The following ERC1 variants were observed in gnomAD, a reference collection of about 807,000 sequenced individuals.
ERC1 encodes the protein ELKS/RAB6-interacting/CAST family member 1.
Under a neutral mutation model 132.0 loss-of-function variants are expected in ERC1, and 56 were observed. The ratio of observed to expected loss-of-function variants is 0.42; its 90% CI spans 0.34 to 0.53. The LOEUF is 0.53. Among genes scored for constraint, ERC1 ranks in the 20% least tolerant of loss-of-function variants. The pLI, the probability that ERC1 is intolerant of heterozygous loss-of-function variation, is 0.03. For missense variants in ERC1, 1,202 were observed against 1,349.9 expected (o/e 0.89, Z 1.72); for synonymous variants, 478 against 476.1 (o/e 1.00, Z -0.05).
chr12:1,062,230 G>A (rs190978696), intron 2 of ERC1, among the ~76,000 whole-genome samples: 218 of 152,094 alleles, frequency 1.4e-3, no homozygotes, highest in African/African-American at 4.6e-3. Context: ...TGATCTGCCC[G>A]CCTCGGCCCC....
intron 12 of ERC1, among the ~76,000 whole-genome samples, chr12:1,191,787 C>A (rs1303082765): frequency 6.6e-6 from 1 of 151,650 alleles, no homozygotes; most frequent in Non-Finnish European, 1.5e-5. Flanking sequence ...CTGTAGAGTT[C>A]TGTCCTCTGG....
intron 8 of ERC1, among the ~76,000 whole-genome samples, chr12:1,147,950 A>G (rs12317067): frequency 0.24 from 35,946 of 152,000 alleles, 4,514 homozygotes; most frequent in Non-Finnish European, 0.28. Flanking sequence ...TTCAGCTCCT[A>G]TTTTCTTTGC....
At chr12:1,176,963 A>G (rs2154268597) in intron 8 of ERC1, among the ~76,000 whole-genome samples, 1 of 152,372 alleles carries the variant, frequency 6.6e-6, no homozygotes, top group African/African-American at 2.4e-5. Flanking sequence ...AGACCTGGAT[A>G]ACATGCTGCA....
At chr12:1,175,556 G>A (rs1269182200) in intron 8 of ERC1, among the ~76,000 whole-genome samples, 2 of 146,398 alleles carry the variant, frequency 1.4e-5, no homozygotes, top group Non-Finnish European at 3.0e-5. Context: ...TTTTTGAGAC[G>A]GAGTTTTGCT....
chr12:1,361,398 T>G (rs1264722472), intron 15 of ERC1, among the ~76,000 whole-genome samples: 1 of 151,964 alleles, frequency 6.6e-6, no homozygotes, highest in Non-Finnish European at 1.5e-5. Flanking sequence ...CCCTAAAACT[T>G]AAAGTATAAT....
chr12:1,011,942 G>GAA (rs574824910), intron 1 of ERC1, among the ~76,000 whole-genome samples: 12 of 140,786 alleles, frequency 8.5e-5, no homozygotes, highest in Middle Eastern at 3.7e-3. Context: ...GTGAGACTCT[G>GAA]AAAAAAAAAA....
chr12:1,156,577 G>A (rs749825609), intron 8 of ERC1, among the ~76,000 whole-genome samples: 11 of 152,086 alleles, frequency 7.2e-5, no homozygotes, highest in Admixed American at 5.2e-4. Flanking sequence ...TGACATAACC[G>A]TCTCATTCAT....
chr12:1,250,944 A>G (rs2076434000), intron 13 of ERC1, among the ~76,000 whole-genome samples: 1 of 152,220 alleles, frequency 6.6e-6, no homozygotes, highest in African/African-American at 2.4e-5. Context: ...ATGAATATTA[A>G]GAATAAAGTT....
chr12:1,488,507 T>C (rs2094275514), intron 18 of ERC1, among the ~76,000 whole-genome samples: 1 of 152,124 alleles, frequency 6.6e-6, no homozygotes, highest in Admixed American at 6.5e-5. Flanking sequence ...GTAGGCAATA[T>C]AGACTCCCAT....
At chr12:1,325,515 C>T (rs2082385774) in intron 15 of ERC1, among the ~76,000 whole-genome samples, 1 of 152,078 alleles carries the variant, frequency 6.6e-6, no homozygotes, top group Non-Finnish European at 1.5e-5. Context: ...TATTGGTAAA[C>T]ATATGAATGA....
Position 1,185,528 on chromosome 12 carries a change from T to A in ERC1, c.2157+2107T>A, listed in dbSNP as rs1954984732. On this transcript the variant is annotated intron_variant, in intron 11 of 18. Coordinates refer to ENST00000360905, the MANE Select transcript of ERC1 (RefSeq NM_178040.4). ...TTTTCTTTCTTTCTTTTCTCCCTGA[T>A]GCTTCTTACTGTCTTTGGCATCCTG... 3.9e-5 allele frequency among the ~76,000 whole-genome samples: 6 copies of A among 152,200 alleles called. No homozygotes were observed. The South Asian group carries it at 1.2e-3, about 32-fold the overall frequency.
intron 16 of ERC1, among the ~76,000 whole-genome samples, chr12:1,378,732 A>G (rs1458936167): frequency 6.6e-6 from 1 of 152,138 alleles, no homozygotes; most frequent in Admixed American, 6.5e-5. Context: ...TCTCTGTCCT[A>G]TTTTCTGAAC....
chr12:1,395,407 G>GT (rs57837323), intron 16 of ERC1, among the ~76,000 whole-genome samples: 18,164 of 141,534 alleles, frequency 0.13, 2,558 homozygotes, highest in African/African-American at 0.35. Flanking sequence ...AAATTTTGTA[G>GT]TTTTTTTTTT....
At chr12:1,124,042 TTG>T (rs1411222298) in intron 7 of ERC1, among the ~76,000 whole-genome samples, 1 of 152,160 alleles carries the variant, frequency 6.6e-6, no homozygotes, top group African/African-American at 2.4e-5. Context: ...AAATCAACAA[TTG>T]TAGTTGGTCA....
chr12:1,220,510 A>G (rs924664913), intron 12 of ERC1, among the ~76,000 whole-genome samples: 5 of 152,198 alleles, frequency 3.3e-5, no homozygotes, highest in Admixed American at 3.3e-4. Context: ...AATGTTTATT[A>G]GGTTACTGTT....
intron 13 of ERC1, among the ~76,000 whole-genome samples, chr12:1,246,999 C>T (rs1328690213): frequency 2.6e-5 from 4 of 152,130 alleles, no homozygotes; most frequent in Admixed American, 1.3e-4. Context: ...TATAGTGGTG[C>T]ATACCTATAG....
intron 4 of ERC1, 140 bp downstream of exon 4, chr12:1,104,964 TG>T (rs1211796935): frequency 1.2e-5 from 7 of 582,860 alleles, no homozygotes; most frequent in Non-Finnish European, 1.8e-5. Flanking sequence ...TCAATGAAAA[TG>T]ACATCTTAAA....
intron 18 of ERC1, among the ~76,000 whole-genome samples, chr12:1,468,614 GA>G (rs943199041): frequency 1.3e-4 from 19 of 151,072 alleles, no homozygotes; most frequent in African/African-American, 4.6e-4. Context: ...AAGAAAGACA[GA>G]AAAAGAGAGA....
chr12:1,035,790 C>T (rs1336359280), intron 2 of ERC1, among the ~76,000 whole-genome samples: 4 of 151,920 alleles, frequency 2.6e-5, no homozygotes, highest in East Asian at 1.9e-4. Flanking sequence ...AGTGTGGTGG[C>T]GGGCACCTGT....
Sources: allele counts gnomAD v4.1 joint callset (sites outside exome capture counted in the v4.1 genomes callset), GRCh38; gene constraint gnomAD v4.1.1; transcripts MANE v1.5; gene names NCBI Gene and HGNC (gene_info 2026-07-23, HGNC 2026-07-21).